The following GNA14 variants were observed in gnomAD, a reference collection of about 807,000 sequenced individuals.
The protein encoded by GNA14 is guanine nucleotide-binding protein subunit alpha-14.
GNA14 carries 50 observed loss-of-function variants against 42.0 expected under a neutral mutation model. The observed-to-expected ratio is 1.19, with a 90% CI of 0.95 to 1.51. GNA14 has a LOEUF of 1.51. Among genes scored for constraint, GNA14 ranks in the 40% most tolerant of loss-of-function variants. The pLI is 0.00. For missense variants in GNA14, 473 were observed against 446.2 expected (o/e 1.06, Z -0.54); for synonymous variants, 173 against 163.1 (o/e 1.06, Z -0.46).
chr9:77,610,626 A>G (rs1001087113), intron 1 of GNA14, among the ~76,000 whole-genome samples: 1 of 152,200 alleles, frequency 6.6e-6, no homozygotes, highest in Admixed American at 6.5e-5. Flanking sequence ...CTTTTATTCC[A>G]TAATATGCGT....
chr9:77,465,672 T>G (rs1587778252), intron 2 of GNA14, among the ~76,000 whole-genome samples: 1 of 40 alleles, frequency 0.025, no homozygotes, highest in African/African-American at 0.056. Context: ...TGATATAGGA[T>G]TTTTTTTTTT....
At chr9:77,541,579 CTT>C (rs769919846) in intron 1 of GNA14, among the ~76,000 whole-genome samples, 4 of 152,104 alleles carry the variant, frequency 2.6e-5, no homozygotes, top group Non-Finnish European at 4.4e-5. Context: ...ATGTCTAAGT[CTT>C]TTCTAAACAT....
At chr9:77,585,910 C>T (rs1823294183) in intron 1 of GNA14, among the ~76,000 whole-genome samples, 1 of 152,146 alleles carries the variant, frequency 6.6e-6, no homozygotes, top group South Asian at 2.1e-4. Context: ...GTATTACCTT[C>T]TTATGCCTGT....
chr9:77,577,033 A>T (rs150644834), intron 1 of GNA14, among the ~76,000 whole-genome samples: 21 of 152,318 alleles, frequency 1.4e-4, no homozygotes, highest in African/African-American at 4.8e-4. Flanking sequence ...AATCTAATAA[A>T]ACACATGGAA....
intron 1 of GNA14, among the ~76,000 whole-genome samples, chr9:77,642,205 A>T (rs1397577550): frequency 6.6e-6 from 1 of 152,194 alleles, no homozygotes; most frequent in Admixed American, 6.5e-5. Flanking sequence ...AGAGGGTAAA[A>T]GTCCAGTATT....
chr9:77,521,268 A>G (rs1419769910), intron 2 of GNA14, among the ~76,000 whole-genome samples: 1 of 152,212 alleles, frequency 6.6e-6, no homozygotes, highest in Non-Finnish European at 1.5e-5. Context: ...GCCTGAGTTT[A>G]ACATTCACCA....
chr9:77,496,149 T>A (rs1186421839), intron 2 of GNA14, among the ~76,000 whole-genome samples: 4 of 152,182 alleles, frequency 2.6e-5, no homozygotes, highest in Non-Finnish European at 5.9e-5. Context: ...AATTTACTGT[T>A]TTTCCTTCCT....
At chr9:77,463,285 C>G (rs1313930369) in intron 2 of GNA14, among the ~76,000 whole-genome samples, 1 of 152,168 alleles carries the variant, frequency 6.6e-6, no homozygotes, top group Non-Finnish European at 1.5e-5. Context: ...AACAGTGCAT[C>G]TCAAACAGCT....
intron 2 of GNA14, among the ~76,000 whole-genome samples, chr9:77,459,535 C>T (rs1431652945): frequency 6.6e-6 from 1 of 152,122 alleles, no homozygotes; most frequent in Non-Finnish European, 1.5e-5. Context: ...GCCCCAGGCA[C>T]CGCCTCTTGC....
chr9:77,613,019 G>A (rs1348424057), intron 1 of GNA14, among the ~76,000 whole-genome samples: 1 of 152,142 alleles, frequency 6.6e-6, no homozygotes, highest in East Asian at 1.9e-4. Flanking sequence ...AACACACATG[G>A]AATATTATTC....
At chr9:77,605,284 T>C (rs1823629446) in intron 1 of GNA14, among the ~76,000 whole-genome samples, 1 of 152,238 alleles carries the variant, frequency 6.6e-6, no homozygotes. Context: ...GGTGGAAAGA[T>C]GCAAACATGG....
chr9:77,509,473 G>T (rs1837124508), intron 2 of GNA14, among the ~76,000 whole-genome samples: 1 of 152,224 alleles, frequency 6.6e-6, no homozygotes, highest in Admixed American at 6.5e-5. Context: ...ACCCAAAAGT[G>T]ATAATGCTAT....
chr9:77,635,619 A>G (rs771426737), intron 1 of GNA14, among the ~76,000 whole-genome samples: 1 of 152,352 alleles, frequency 6.6e-6, no homozygotes, highest in South Asian at 2.1e-4. Flanking sequence ...GCTTATGTCC[A>G]TATAAATTAA....
At chr9:77,523,390 G>A (rs1426036864) in intron 2 of GNA14, among the ~76,000 whole-genome samples, 2 of 152,034 alleles carry the variant, frequency 1.3e-5, no homozygotes, top group Non-Finnish European at 2.9e-5. Flanking sequence ...GGAGGGAGGA[G>A]GTGCCACACG....
intron 1 of GNA14, among the ~76,000 whole-genome samples, chr9:77,534,992 A>C (rs879686271): frequency 1.3e-5 from 2 of 152,236 alleles, no homozygotes; most frequent in African/African-American, 4.8e-5. Flanking sequence ...GCCAGGTGCC[A>C]GCACACTGGG....
Position 77,609,213 on chromosome 9 carries a change from A to G in GNA14, c.124+38457T>C, listed in dbSNP as rs911097574. Among the ~76,000 whole-genome samples, 10 of 152,172 alleles carry G rather than the reference A, an allele frequency of 6.6e-5. No homozygotes were observed. The East Asian group carries it at 1.7e-3, about 26-fold the overall frequency. On this transcript the variant is annotated intron_variant, in intron 1 of 6. Coordinates refer to ENST00000341700, the MANE Select transcript of GNA14 (RefSeq NM_004297.4). ...CTTCACTGCCTGCACTGGAACACAA[A>G]CACAATGCAATCTAGTGCTCTGTCA...
intron 2 of GNA14, among the ~76,000 whole-genome samples, chr9:77,501,103 C>T (rs1016215307): frequency 4.6e-5 from 7 of 152,100 alleles, no homozygotes; most frequent in African/African-American, 1.2e-4. Context: ...TACAGGCATG[C>T]GCCACCACAC....
At chr9:77,561,731 C>A (rs946378348) in intron 1 of GNA14, among the ~76,000 whole-genome samples, 1 of 152,162 alleles carries the variant, frequency 6.6e-6, no homozygotes, top group East Asian at 1.9e-4. Context: ...ACTGTAAATG[C>A]ACTTGATGCC....
At chr9:77,627,365 C>T (rs1450491397) in intron 1 of GNA14, among the ~76,000 whole-genome samples, 1 of 152,176 alleles carries the variant, frequency 6.6e-6, no homozygotes, top group Non-Finnish European at 1.5e-5. Context: ...AAGAGGGACT[C>T]TTCCCTACCT....
Sources: allele counts gnomAD v4.1 joint callset (sites outside exome capture counted in the v4.1 genomes callset), GRCh38; gene constraint gnomAD v4.1.1; transcripts MANE v1.5; gene names NCBI Gene and HGNC (gene_info 2026-07-23, HGNC 2026-07-21).